The following CCDC73 variants were observed in gnomAD, a reference collection of about 807,000 sequenced individuals.
CCDC73 encodes coiled-coil domain containing 73.
Under a neutral mutation model 116.5 loss-of-function variants are expected in CCDC73, and 95 were observed. That is an observed-to-expected ratio of 0.82 (90% confidence interval 0.69 to 0.97). The LOEUF (loss-of-function observed/expected upper bound fraction) is 0.97. CCDC73 is among the 50% of genes least tolerant of loss of function. CCDC73 has a pLI of 0.00. For missense variants in CCDC73, 1,066 were observed against 1,206.8 expected, an observed-to-expected ratio of 0.88 and a Z score of 1.73; for synonymous variants, 398 against 401.3, an observed-to-expected ratio of 0.99 and a Z score of 0.10.
At chr11:32,623,530 T>A (rs1201548477) in intron 14 of CCDC73, among the ~76,000 whole-genome samples, 1 of 152,098 alleles carries the variant, frequency 6.6e-6, no homozygotes, top group African/African-American at 2.4e-5. Context: ...TTTAAAAAAA[T>A]TTTGTAGAGA....
chr11:32,635,852 A>G, intron 13 of CCDC73, 22 bp from the exon 14 acceptor site: 1 of 1,087,214 alleles, frequency 9.2e-7, no homozygotes, highest in East Asian at 3.2e-5. Flanking sequence ...AAGGAACCAG[A>G]ATAAACAAGT....
chr11:32,722,139 T>C (rs1285055004), intron 2 of CCDC73, among the ~76,000 whole-genome samples: 1 of 152,160 alleles, frequency 6.6e-6, no homozygotes, highest in Non-Finnish European at 1.5e-5. Flanking sequence ...AACAATATCA[T>C]CAATACTATG....
chr11:32,644,707 G>C (rs546446055), intron 12 of CCDC73, among the ~76,000 whole-genome samples: 46 of 152,212 alleles, frequency 3.0e-4, no homozygotes, highest in Non-Finnish European at 4.6e-4. Context: ...AGAAGATATA[G>C]AGAACAGTTT....
rs533535047 is a variant in CCDC73 at position 32,726,481 on chromosome 11, GA to G, written c.136-8335del. 2.6e-5 allele frequency among the ~76,000 whole-genome samples: 4 copies of G among 151,942 alleles called. No individual in the cohort carries two copies. In the East Asian group the frequency reaches 5.8e-4, roughly 22 times the overall value. ...AGAGGATTATTAAAGTGAAAGGACA[GA>G]AAAAAATAGCTAGACTGAAACATGG... On this transcript the variant is annotated intron_variant, in intron 2 of 17. Coordinates refer to ENST00000335185, the MANE Select transcript of CCDC73 (RefSeq NM_001008391.4).
At chr11:32,800,312 A>C in the CCDC73 span, among the ~76,000 whole-genome samples, 8 of 152,110 alleles carry the variant, frequency 5.3e-5, no homozygotes, top group African/African-American at 1.9e-4. Context: ...CTTATTTTAG[A>C]TATAATGTAC....
intron 2 of CCDC73, among the ~76,000 whole-genome samples, chr11:32,724,949 T>C (rs1189311206): frequency 1.3e-5 from 2 of 152,178 alleles, no homozygotes; most frequent in East Asian, 3.8e-4. Context: ...ATTTTGTTGA[T>C]TCGGACTGTT....
chr11:32,683,541 CA>C lies in CCDC73; in HGVS notation c.423del (p.Ser141ArgfsTer21), dbSNP rs779959478. 3 of 1,520,894 alleles carry C rather than the reference CA, an allele frequency of 2.0e-6. No homozygotes were observed. The East Asian group carries it at 6.8e-5, about 34-fold the overall frequency. The allele number at this position is 1,520,894 out of a possible 1,614,324, so 94.2% of individuals were successfully genotyped here. On this transcript the variant is annotated frameshift_variant, in exon 7 of 18. Coordinates refer to ENST00000335185, the MANE Select transcript of CCDC73 (RefSeq NM_001008391.4). LOFTEE classifies it high-confidence loss of function. ...VSKYSLQKKV[S>X]EMEQKVQLHL... ...ATGTTTTGTAATTTCCTTACCATTT[CA>C]CTCACTTTCTTCTGTAAAGAGTATT...
At chr11:32,656,528 A>G (rs532798066) in intron 9 of CCDC73, among the ~76,000 whole-genome samples, 2 of 152,298 alleles carry the variant, frequency 1.3e-5, no homozygotes, top group South Asian at 4.1e-4. Context: ...GACTACTGCA[A>G]ATCCATCTGT....
chr11:32,619,903 G>GGGA (rs1855508787), intron 14 of CCDC73, among the ~76,000 whole-genome samples: 1 of 150,528 alleles, frequency 6.6e-6, no homozygotes, highest in Non-Finnish European at 1.5e-5. Context: ...GGGAGGGGAA[G>GGGA]GGGAGGAGAA....
At chr11:32,706,974 G>A (rs1196095696) in intron 3 of CCDC73, among the ~76,000 whole-genome samples, 1 of 151,944 alleles carries the variant, frequency 6.6e-6, no homozygotes, top group African/African-American at 2.4e-5. Flanking sequence ...TGACTTACTG[G>A]TAACTTTATG....
intron 12 of CCDC73, among the ~76,000 whole-genome samples, chr11:32,646,536 G>A (rs1855780485): frequency 6.6e-6 from 1 of 152,142 alleles, no homozygotes; most frequent in South Asian, 2.1e-4. Flanking sequence ...CTGAAGGCAT[G>A]GTTCTATTGT....
At chr11:32,704,219 G>C (rs1849836836) in intron 3 of CCDC73, among the ~76,000 whole-genome samples, 1 of 152,238 alleles carries the variant, frequency 6.6e-6, no homozygotes, top group Non-Finnish European at 1.5e-5. Context: ...CCTGCACTCT[G>C]CATTCTCTGT....
chr11:32,747,557 A>G (rs1420738445), intron 2 of CCDC73, among the ~76,000 whole-genome samples: 1 of 152,244 alleles, frequency 6.6e-6, no homozygotes, highest in African/African-American at 2.4e-5. Flanking sequence ...GAGAGGCAGT[A>G]GGCCTTGCTG....
chr11:32,806,811 T>G, the CCDC73 span, among the ~76,000 whole-genome samples: 2 of 152,162 alleles, frequency 1.3e-5, no homozygotes, highest in African/African-American at 4.8e-5. Context: ...AATTCTGATC[T>G]GATAGGTCTG....
chr11:32,712,341 G>T (rs1370359977), intron 3 of CCDC73, among the ~76,000 whole-genome samples: 1 of 152,042 alleles, frequency 6.6e-6, no homozygotes, highest in African/African-American at 2.4e-5. Flanking sequence ...GAATAAGTTT[G>T]AGATCTACTG....
chr11:32,716,402 C>T (rs1389084013), intron 3 of CCDC73, among the ~76,000 whole-genome samples: 2 of 152,130 alleles, frequency 1.3e-5, no homozygotes, highest in Non-Finnish European at 2.9e-5. Context: ...CTGCACCAAG[C>T]TATTTTAATT....
chr11:32,603,103 T>C, intron 17 of CCDC73, 83 bp from the exon 18 acceptor site: 1 of 1,145,410 alleles, frequency 8.7e-7, no homozygotes, highest in East Asian at 2.4e-5. Flanking sequence ...CAGTTATGAG[T>C]ATGTGGTAAA....
intron 2 of CCDC73, 63 bp downstream of exon 2, chr11:32,760,046 A>G: frequency 7.2e-7 from 1 of 1,383,204 alleles, no homozygotes; most frequent in South Asian, 1.3e-5. Flanking sequence ...TTCTTTAAAA[A>G]ACAATAAACT....
At chr11:32,608,122 C>T (rs1296004020) in intron 17 of CCDC73, among the ~76,000 whole-genome samples, 2 of 152,126 alleles carry the variant, frequency 1.3e-5, no homozygotes, top group East Asian at 1.9e-4. Flanking sequence ...GGTGGGGACA[C>T]AGCCAAACCA....
Sources: gnomAD v4.1 joint callset for allele counts (sites outside exome capture counted in the v4.1 genomes callset) on GRCh38, gnomAD v4.1.1 for gene constraint, MANE v1.5 for transcripts, NCBI Gene and HGNC (gene_info 2026-07-23, HGNC 2026-07-21) for gene names.